Variants in TBC1D16 observed in about 807,000 individuals in gnomAD.
The protein encoded by TBC1D16 is TBC1 domain family member 16, also known as CTD-2529O21.1.
TBC1D16 carries 58 observed loss-of-function variants against 74.7 expected under a neutral mutation model. The observed-to-expected ratio is 0.78, with a 90% CI of 0.63 to 0.97. The LOEUF (loss-of-function observed/expected upper bound fraction) is 0.97. TBC1D16 is among the 50% of genes least tolerant of loss of function. TBC1D16 has a pLI of 0.00. For missense variants in TBC1D16, 1,014 were observed against 1,079.5 expected (o/e 0.94, Z 0.85); for synonymous variants, 493 against 474.7 (o/e 1.04, Z -0.50).
intron 9 of TBC1D16, among the ~76,000 whole-genome samples, chr17:79,946,138 T>C (rs1429807334): frequency 6.6e-6 from 1 of 152,168 alleles, no homozygotes; most frequent in Non-Finnish European, 1.5e-5. Context: ...CCACTAACAG[T>C]CAGTCTATAG....
chr17:79,984,578 A>G (rs12325704), intron 3 of TBC1D16, among the ~76,000 whole-genome samples: 35 of 117,996 alleles, frequency 3.0e-4, no homozygotes, highest in South Asian at 9.0e-4. Flanking sequence ...GAGAGAAAGA[A>G]AGAAAAAGAA....
chr17:79,989,518 A>G (rs943023622), intron 3 of TBC1D16, among the ~76,000 whole-genome samples: 1 of 152,260 alleles, frequency 6.6e-6, no homozygotes, highest in East Asian at 1.9e-4. Flanking sequence ...CCATGGACAG[A>G]GTCATAAATA....
At chr17:80,031,746 C>T (rs1344171392) in intron 1 of TBC1D16, among the ~76,000 whole-genome samples, 1 of 152,180 alleles carries the variant, frequency 6.6e-6, no homozygotes, top group Non-Finnish European at 1.5e-5. Flanking sequence ...GAGCCTGGAT[C>T]TGGGACTAAG....
intron 3 of TBC1D16, among the ~76,000 whole-genome samples, chr17:79,966,636 T>C (rs1373818437): frequency 1.3e-5 from 2 of 152,242 alleles, no homozygotes; most frequent in East Asian, 1.9e-4. Context: ...GTCCAACATA[T>C]GCTAATTTCC....
chr17:79,996,418 A>T (rs2035274288), intron 3 of TBC1D16, among the ~76,000 whole-genome samples: 2 of 152,244 alleles, frequency 1.3e-5, no homozygotes, highest in Admixed American at 1.3e-4. Context: ...AATGCTGATT[A>T]AAACCACAAT....
intron 3 of TBC1D16, among the ~76,000 whole-genome samples, chr17:79,984,525 G>A (rs942151664): frequency 1.4e-5 from 2 of 147,476 alleles, no homozygotes; most frequent in African/African-American, 2.5e-5. Context: ...AATTTCCTTA[G>A]GAGCAGGTGC....
At chr17:79,977,506 T>G (rs2034379757) in intron 3 of TBC1D16, among the ~76,000 whole-genome samples, 1 of 152,232 alleles carries the variant, frequency 6.6e-6, no homozygotes. Context: ...CTGCAACCCT[T>G]GCCCCACAGG....
At chr17:79,964,259 A>C (rs2033747624) in intron 3 of TBC1D16, among the ~76,000 whole-genome samples, 1 of 152,190 alleles carries the variant, frequency 6.6e-6, no homozygotes, top group Admixed American at 6.5e-5. Flanking sequence ...TACAGGCGTG[A>C]GCCACCATAT....
At chr17:79,960,809 ACGAAGGAATG>A (rs2033577737) in intron 3 of TBC1D16, among the ~76,000 whole-genome samples, 1 of 136,140 alleles carries the variant, frequency 7.3e-6, no homozygotes, top group African/African-American at 2.9e-5. Context: ...AAAAAAAAAA[ACGAAGGAATG>A]AAACTGACAC....
intron 3 of TBC1D16, among the ~76,000 whole-genome samples, chr17:79,995,706 A>T (rs942636634): frequency 6.6e-6 from 1 of 152,026 alleles, no homozygotes; most frequent in African/African-American, 2.4e-5. Flanking sequence ...AATGGCGTGA[A>T]TCTGGGAGGC....
chr17:79,950,866 C>T lies in TBC1D16; in HGVS notation c.1090-288G>A. The T allele has an allele frequency of 2.0e-6, 3 of 1,517,076 alleles. No individual in the cohort carries two copies. Among genetic ancestry groups the T allele is most frequent in the Admixed American group, 2.0e-5 (1 of 49,560 alleles). 94.0% of individuals were successfully genotyped at this position (1,517,076 alleles called of 1,614,324 possible). A position where few individuals can be genotyped will look rare whatever the true frequency, so the allele number is the denominator to read the frequency against. ...GCAAAAACGGAATGAATGCCTCGTT[C>T]GGCCTAACTTCCCTCTGCCGGGAGG... On this transcript the variant is annotated intron_variant, in intron 5 of 11. Coordinates refer to ENST00000310924, the MANE Select transcript of TBC1D16 (RefSeq NM_019020.4). The surrounding 1 kb of genome is among the most constrained non-coding windows in gnomAD (Gnocchi z 4.6).
chr17:79,940,949 C>T lies in TBC1D16; in HGVS notation c.2214G>A (p.Gly738=). 1 of 1,602,318 alleles carries T rather than the reference C, an allele frequency of 6.2e-7. No homozygotes were observed. Among genetic ancestry groups the T allele is most frequent in the Middle Eastern group, 1.7e-4 (1 of 6,044 alleles). Reference sequence around the variant, plus strand: ...TGGGGGAAGGCATCTCCACCGTGCCCCCGTAGGGACAGCTCTCCGAGCCGG... The same window carrying T: ...TGGGGGAAGGCATCTCCACCGTGCCTCCGTAGGGACAGCTCTCCGAGCCGG... The part of the protein sequence containing the change: ...HHPGSESCPY[G]GTVEMPSPKS... The change falls in exon 12 of 12, where the codon GGG becomes GGA. Residue 738 remains glycine, a synonymous_variant. Coordinates refer to ENST00000310924, the MANE Select transcript of TBC1D16 (RefSeq NM_019020.4). The surrounding 1 kb of genome is among the most constrained non-coding windows in gnomAD (Gnocchi z 5.4).
At chr17:80,017,740 A>AGGT (rs1045408886) in intron 1 of TBC1D16, among the ~76,000 whole-genome samples, 3 of 151,648 alleles carry the variant, frequency 2.0e-5, no homozygotes, top group African/African-American at 7.3e-5. Flanking sequence ...TGTACAAAAC[A>AGGT]GGTGGAAGGC....
intron 3 of TBC1D16, among the ~76,000 whole-genome samples, chr17:80,002,403 G>C (rs566842692): frequency 6.6e-6 from 1 of 152,242 alleles, no homozygotes; most frequent in African/African-American, 2.4e-5. Context: ...CACGCCCTGC[G>C]GGGTGGGCTG....
chr17:79,950,717 A>T lies in TBC1D16; in HGVS notation c.1090-139T>A. The stretch of plus-strand genomic sequence containing the variant: ...GCCGTCCCCTGCATACAAACCCCTA[A>T]ATGGCGAGTGTAATTAGGCGCAATT... On this transcript the variant is annotated intron_variant, in intron 5 of 11. Transcript: ENST00000310924. This position sits in a 1 kb window ranked among gnomAD's most constrained non-coding sequence, Gnocchi z 4.6. 6.5e-7 allele frequency: 1 copy of T among 1,539,554 alleles called. No homozygotes were observed. The highest frequency in any genetic ancestry group is 8.7e-7 in the Non-Finnish European group (1 of 1,143,418).
chr17:79,952,937 G>T, intron 3 of TBC1D16, 119 bp from the exon 4 acceptor site: 1 of 1,188,524 alleles, frequency 8.4e-7, no homozygotes, highest in Non-Finnish European at 1.2e-6. Context: ...CACACATACA[G>T]GCACGGCTGA....
At chr17:79,989,813 G>A (rs78862017) in intron 3 of TBC1D16, among the ~76,000 whole-genome samples, 2,492 of 152,242 alleles carry the variant, frequency 0.016, 48 homozygotes, top group South Asian at 0.082. Flanking sequence ...TGGGGTCAAG[G>A]GGTGCGGAGA....
intron 3 of TBC1D16, among the ~76,000 whole-genome samples, chr17:79,963,228 GC>G (rs201342188): frequency 0.031 from 4,301 of 136,622 alleles, 82 homozygotes; most frequent in South Asian, 0.064. Context: ...AAAAAAAAAA[GC>G]AAAAAAAAAA....
At chr17:79,960,620 G>A (rs2033549677) in intron 3 of TBC1D16, among the ~76,000 whole-genome samples, 1 of 151,566 alleles carries the variant, frequency 6.6e-6, no homozygotes. Context: ...AGTAGGCATC[G>A]CAGTGCACCT....
Sources: gnomAD v4.1 joint callset for allele counts (sites outside exome capture counted in the v4.1 genomes callset) on GRCh38, gnomAD v4.1.1 for gene constraint, Gnocchi (gnomAD v3.1) non-coding constraint, MANE v1.5 for transcripts, NCBI Gene and HGNC (gene_info 2026-07-23, HGNC 2026-07-21) for gene names.